The following FAM222B variants were observed in gnomAD, a reference collection of about 807,000 sequenced individuals.
FAM222B encodes protein FAM222B.
A neutral mutation model predicts 38.0 loss-of-function variants in FAM222B; 12 were observed. The ratio of observed to expected loss-of-function variants is 0.32; its 90% CI spans 0.20 to 0.51. The LOEUF (loss-of-function observed/expected upper bound fraction) is 0.51. FAM222B is among the 20% of genes least tolerant of loss of function. The pLI is 0.97. For missense variants in FAM222B, 716 were observed against 754.2 expected, an observed-to-expected ratio of 0.95 and a Z score of 0.59; for synonymous variants, 329 against 317.2, an observed-to-expected ratio of 1.04 and a Z score of -0.40.
intron 1 of FAM222B, among the ~76,000 whole-genome samples, chr17:28,837,528 T>C (rs145925956): frequency 6.6e-6 from 1 of 152,124 alleles, no homozygotes; most frequent in African/African-American, 2.4e-5. Context: ...AAAGAAAATT[T>C]AGTATTTTTC....
At chr17:28,813,127 CAA>C (rs201479723) in intron 1 of FAM222B, among the ~76,000 whole-genome samples, 20 of 43,528 alleles carry the variant, frequency 4.6e-4, no homozygotes, top group Middle Eastern at 0.013. Context: ...TCATCAGACA[CAA>C]AAAAAAAAAA....
rs1159375528 is a variant in FAM222B, at chr17:28,793,742, AT to A, written c.-40-27036del. 8.5e-3 allele frequency among the ~76,000 whole-genome samples: 1,132 copies of A among 132,754 alleles called. 15 individuals carry two copies. Among genetic ancestry groups the A allele is most frequent in the African/African-American group, 0.022 (778 of 35,682 alleles). 87.1% of individuals were successfully genotyped at this position (132,754 alleles called of 152,430 possible). A position where few individuals can be genotyped will look rare whatever the true frequency, so the allele number is the denominator to read the frequency against. On this transcript the variant is annotated intron_variant, in intron 1 of 2. Transcript: ENST00000581407. The stretch of plus-strand genomic sequence containing the variant: ...TGTCATATTCTGCCATACTCAACCA[AT>A]TTTTTTTTTTTTTTTTTTTGAGACA...
At chr17:28,760,871 A>G (rs1356140942) in intron 2 of FAM222B, among the ~76,000 whole-genome samples, 1 of 152,162 alleles carries the variant, frequency 6.6e-6, no homozygotes, top group African/African-American at 2.4e-5. Context: ...CCCCTTCCCC[A>G]TGTCACAAGT....
At chr17:28,853,800 G>C (rs2039201645) in intron 1 of FAM222B, among the ~76,000 whole-genome samples, 1 of 152,100 alleles carries the variant, frequency 6.6e-6, no homozygotes, top group South Asian at 2.1e-4. Context: ...GCTGAAACTG[G>C]AAGATCGCTT....
intron 2 of FAM222B, 148 bp downstream of exon 2, chr17:28,766,438 C>T: frequency 1.6e-6 from 1 of 637,076 alleles, no homozygotes. Flanking sequence ...GCCTGGGTGA[C>T]AAGAGCAAGA....
At chr17:28,855,000 C>T in exon 1 of FAM222B, 1 of 1,544,302 alleles carries the variant, frequency 6.5e-7, no homozygotes, top group Non-Finnish European at 8.7e-7. Flanking sequence ...CGTAGGAGCG[C>T]TCCTGGTCGG....
chr17:28,766,524 G>A (rs9900141), intron 2 of FAM222B, 62 bp downstream of exon 2: 1,068,165 of 1,400,350 alleles, frequency 0.76, 408,572 homozygotes, highest in South Asian at 0.85. Context: ...CTTCAAGGAC[G>A]GCCCAAATGT....
intron 1 of FAM222B, among the ~76,000 whole-genome samples, chr17:28,774,601 C>A (rs999928532): frequency 6.6e-6 from 1 of 152,158 alleles, no homozygotes; most frequent in Non-Finnish European, 1.5e-5. Flanking sequence ...CATCTCTGCT[C>A]CCTGCCCCCG....
intron 1 of FAM222B, among the ~76,000 whole-genome samples, chr17:28,768,509 AAC>A (rs1183273687): frequency 6.6e-6 from 1 of 152,062 alleles, no homozygotes; most frequent in Non-Finnish European, 1.5e-5. Context: ...AAACAGAATG[AAC>A]ACAGTGAGCC....
intron 1 of FAM222B, among the ~76,000 whole-genome samples, chr17:28,810,112 T>G (rs1161242857): frequency 6.6e-6 from 1 of 152,068 alleles, no homozygotes; most frequent in East Asian, 1.9e-4. Context: ...TTCTCCCACC[T>G]CAGCCTCCCA....
At chr17:28,853,206 A>C (rs895244112) in intron 1 of FAM222B, among the ~76,000 whole-genome samples, 3 of 151,818 alleles carry the variant, frequency 2.0e-5, no homozygotes, top group African/African-American at 7.3e-5. Context: ...AAAAAAAAAA[A>C]AAAAAGAATT....
At chr17:28,822,023 C>G (rs2152581326) in intron 1 of FAM222B, among the ~76,000 whole-genome samples, 1 of 151,182 alleles carries the variant, frequency 6.6e-6, no homozygotes, top group African/African-American at 2.4e-5. Flanking sequence ...GATACTAATT[C>G]AACAAAAATA....
intron 1 of FAM222B, among the ~76,000 whole-genome samples, chr17:28,821,601 C>G (rs1384047887): frequency 3.3e-5 from 5 of 152,230 alleles, no homozygotes; most frequent in Middle Eastern, 6.8e-3. Flanking sequence ...CATTCGCTCA[C>G]CAGTTACCTG....
At chr17:28,798,975 G>GT (rs761063192) in intron 1 of FAM222B, among the ~76,000 whole-genome samples, 41 of 145,344 alleles carry the variant, frequency 2.8e-4, no homozygotes, top group East Asian at 4.1e-4. Context: ...GAATCCTGTT[G>GT]TTTTTTTTTT....
At chr17:28,806,377 C>T (rs560145241) in intron 1 of FAM222B, among the ~76,000 whole-genome samples, 6 of 152,210 alleles carry the variant, frequency 3.9e-5, no homozygotes, top group African/African-American at 7.2e-5. Context: ...TCAGTTAGGC[C>T]GCAATGTAAC....
chr17:28,806,372 T>C (rs1484484701), intron 1 of FAM222B, among the ~76,000 whole-genome samples: 1 of 152,318 alleles, frequency 6.6e-6, no homozygotes, highest in South Asian at 2.1e-4. Context: ...CCTTTTCAGT[T>C]AGGCCGCAAT....
At chr17:28,854,963 G>T (rs1380709342) in exon 1 of FAM222B, 1 of 1,492,358 alleles carries the variant, frequency 6.7e-7, no homozygotes, top group Non-Finnish European at 8.9e-7. Context: ...TCTCCTACTC[G>T]CTGGTTCGTC....
chr17:28,793,372 A>G (rs558469885), intron 1 of FAM222B, among the ~76,000 whole-genome samples: 2 of 152,286 alleles, frequency 1.3e-5, no homozygotes, highest in South Asian at 4.1e-4. Flanking sequence ...CCGTTTTGAC[A>G]TTCTTTCCTC....
rs986014063 is a variant in FAM222B at position 28,756,523 on chromosome 17, T to C, written c.*1747A>G. On this transcript the variant is annotated 3_prime_UTR_variant, in exon 3 of 3. Transcript: ENST00000581407. The stretch of plus-strand genomic sequence containing the variant: ...GGGGAAGACAGTGGTGCTCTTTAAA[T>C]CTGACTCAGAAAAGCAGGAACTGGA... 1.3e-5 allele frequency: 2 copies of C among 152,422 alleles called. No homozygotes were observed. The highest frequency in any genetic ancestry group is 4.8e-5 in the African/African-American group (2 of 41,408). The allele number at this position is 152,422 out of a possible 1,614,324, so 9.4% of individuals were successfully genotyped here.
Sources: gnomAD v4.1 joint callset for allele counts (sites outside exome capture counted in the v4.1 genomes callset) on GRCh38, gnomAD v4.1.1 for gene constraint, MANE v1.5 for transcripts, NCBI Gene and HGNC (gene_info 2026-07-23, HGNC 2026-07-21) for gene names.